The following DCLK1 variants were observed in gnomAD, a reference collection of about 807,000 sequenced individuals.
DCLK1 encodes the protein serine/threonine-protein kinase DCLK1.
Under a neutral mutation model 86.2 loss-of-function variants are expected in DCLK1, and 16 were observed. The ratio of observed to expected loss-of-function variants is 0.19; its 90% CI spans 0.13 to 0.28. DCLK1 has a LOEUF of 0.28. DCLK1 is among the 10% of genes least tolerant of loss of function. The pLI is 1.00. For synonymous variants in DCLK1, 369 were observed against 370.5 expected (o/e 1.00, Z 0.05); for missense variants, 590 against 940.2 (o/e 0.63, Z 4.87).
intron 3 of DCLK1, among the ~76,000 whole-genome samples, chr13:36,070,727 C>T (rs1018917118): frequency 2.6e-5 from 4 of 152,022 alleles, no homozygotes; most frequent in African/African-American, 4.8e-5. Flanking sequence ...CTGCAACCTC[C>T]GCCTCCTGGG....
intron 2 of DCLK1, among the ~76,000 whole-genome samples, 174 bp downstream of exon 2, chr13:36,125,588 A>AT (rs1271747536): frequency 4.6e-5 from 7 of 152,170 alleles, no homozygotes; most frequent in Admixed American, 1.3e-4. Context: ...AATACCATTA[A>AT]TTTTTTTTCC....
At chr13:35,883,267 G>A (rs867447330) in intron 4 of DCLK1, among the ~76,000 whole-genome samples, 1 of 152,170 alleles carries the variant, frequency 6.6e-6, no homozygotes, top group East Asian at 1.9e-4. Flanking sequence ...GGAGGTGACT[G>A]GGTCATGGGA....
At chr13:36,091,346 C>T (rs1239647153) in intron 3 of DCLK1, among the ~76,000 whole-genome samples, 4 of 151,962 alleles carry the variant, frequency 2.6e-5, no homozygotes, top group Non-Finnish European at 5.9e-5. Flanking sequence ...CACATGTATC[C>T]CAGAACTTAA....
chr13:35,775,359 T>C (rs1225954188), intron 16 of DCLK1, among the ~76,000 whole-genome samples: 1 of 152,202 alleles, frequency 6.6e-6, no homozygotes, highest in Admixed American at 6.5e-5. Context: ...CAAAGTTCAT[T>C]TTCATCATAG....
intron 10 of DCLK1, among the ~76,000 whole-genome samples, chr13:35,825,957 C>T (rs1173455888): frequency 3.3e-5 from 5 of 151,846 alleles, no homozygotes; most frequent in African/African-American, 1.2e-4. Context: ...GGATTACAGG[C>T]GCCTGCCACC....
intron 3 of DCLK1, among the ~76,000 whole-genome samples, chr13:36,100,247 T>C (rs1311809293): frequency 1.5e-5 from 2 of 131,342 alleles, no homozygotes; most frequent in African/African-American, 5.9e-5. Flanking sequence ...GGCATGGTGG[T>C]GGACACCTGC....
intron 3 of DCLK1, among the ~76,000 whole-genome samples, chr13:36,105,815 GT>G (rs1191878770): frequency 6.6e-6 from 1 of 152,102 alleles, no homozygotes; most frequent in African/African-American, 2.4e-5. Flanking sequence ...TTTTTTGTTT[GT>G]TTGTTGCAGG....
chr13:35,971,509 TCC>T (rs1879057341), intron 3 of DCLK1, among the ~76,000 whole-genome samples: 1 of 152,160 alleles, frequency 6.6e-6, no homozygotes, highest in African/African-American at 2.4e-5. Flanking sequence ...ACGCTTGTAA[TCC>T]CAGCACTTTG....
At chr13:35,991,646 A>G (rs1334127993) in intron 3 of DCLK1, among the ~76,000 whole-genome samples, 1 of 152,212 alleles carries the variant, frequency 6.6e-6, no homozygotes, top group Middle Eastern at 3.2e-3. Context: ...CCTGGGCAAC[A>G]GACAGACCTT....
chr13:35,802,300 C>T (rs1369432772), intron 15 of DCLK1, among the ~76,000 whole-genome samples: 1 of 151,098 alleles, frequency 6.6e-6, no homozygotes, highest in Non-Finnish European at 1.5e-5. Flanking sequence ...CCACTGCATT[C>T]CAGCCTGGGT....
intron 3 of DCLK1, among the ~76,000 whole-genome samples, chr13:35,958,070 C>T (rs1055442967): frequency 2.4e-4 from 6 of 25,048 alleles, no homozygotes; most frequent in East Asian, 1.3e-3. Flanking sequence ...CCACTAGCAC[C>T]ACCACCACTA....
chr13:35,802,896 C>G (rs1300296821), intron 15 of DCLK1, among the ~76,000 whole-genome samples: 11 of 152,194 alleles, frequency 7.2e-5, no homozygotes, highest in African/African-American at 2.4e-4. Flanking sequence ...ACCCAGAGAG[C>G]CTGCAGCTGG....
intron 2 of DCLK1, among the ~76,000 whole-genome samples, chr13:36,114,360 G>T (rs1473262486): frequency 1.3e-5 from 2 of 152,176 alleles, no homozygotes; most frequent in Non-Finnish European, 1.5e-5. Flanking sequence ...AGGCTCCTCT[G>T]CTGGATAATC....
intron 3 of DCLK1, among the ~76,000 whole-genome samples, chr13:36,003,837 T>C (rs1022432238): frequency 2.6e-5 from 4 of 152,248 alleles, no homozygotes; most frequent in Non-Finnish European, 5.9e-5. Context: ...TTATGATTTT[T>C]AAAATTTAAT....
chr13:36,099,687 A>C (rs1885131557), intron 3 of DCLK1, among the ~76,000 whole-genome samples: 1 of 152,212 alleles, frequency 6.6e-6, no homozygotes, highest in Non-Finnish European at 1.5e-5. Flanking sequence ...TAAAAAGCTA[A>C]AGCACAATCA....
chr13:35,931,844 T>C (rs1876450072), intron 4 of DCLK1, among the ~76,000 whole-genome samples: 1 of 152,230 alleles, frequency 6.6e-6, no homozygotes, highest in African/African-American at 2.4e-5. Flanking sequence ...TACCCTGATA[T>C]GTACTGTGGG....
chr13:35,947,442 C>A lies in DCLK1; in HGVS notation c.739G>T (p.Asp247Tyr). Residue 247 changes from aspartate to tyrosine, a missense_variant, in exon 4 of 17, where the codon GAC becomes TAC. Physicochemically the swap from Asp to Tyr is radical, Grantham distance 160. Transcript: ENST00000360631. The part of the protein sequence containing the change: ...LDGKQVMCLQ[D>Y]FFGDDDIFIA... ...AAAATGTCATCATCACCAAAAAAGT[C>A]CTGAAGGCACATCACCTACAAGAGA... The A allele has an allele frequency of 6.2e-7, 1 of 1,613,650 alleles. No individual in the cohort carries two copies. The highest frequency in any genetic ancestry group is 1.1e-5 in the South Asian group (1 of 91,034).
chr13:36,063,971 A>C (rs1337350648), intron 3 of DCLK1, among the ~76,000 whole-genome samples: 2 of 152,180 alleles, frequency 1.3e-5, no homozygotes, highest in Non-Finnish European at 2.9e-5. Flanking sequence ...CATGACCTGA[A>C]GGGTAGGTTT....
At position 35,856,579 on chromosome 13, in the gene DCLK1, A is replaced by G. The variant is rs867901933; in HGVS notation, c.941-1986T>C. ...TCTGATCTTATCCAGCTAATGGAAA[A>G]TGAAGAAAAAGAGACAAAGGGCTCA... On this transcript the variant is annotated intron_variant, in intron 5 of 16. Transcript: ENST00000360631. Among the ~76,000 whole-genome samples, 32 of 152,356 alleles carry G rather than the reference A, an allele frequency of 2.1e-4. No homozygotes were observed. In the Middle Eastern group the frequency reaches 0.01, roughly 49 times the overall value.
Sources: gnomAD v4.1 joint callset for allele counts (sites outside exome capture counted in the v4.1 genomes callset) on GRCh38, gnomAD v4.1.1 for gene constraint, MANE v1.5 for transcripts, NCBI Gene and HGNC (gene_info 2026-07-23, HGNC 2026-07-21) for gene names.